Variants in SDK1 observed in about 807,000 individuals in gnomAD.
SDK1 encodes protein sidekick-1.
In SDK1, 157 loss-of-function variants were observed where a neutral mutation model predicts 245.5. The observed-to-expected ratio is 0.64, with a 90% CI of 0.56 to 0.73. SDK1 has a LOEUF of 0.73. SDK1 is among the 30% of genes least tolerant of loss of function. The pLI is 0.00. For synonymous variants in SDK1, 1,647 were observed against 1,278.5 expected (o/e 1.29, Z -6.15); for missense variants, 3,583 against 3,002.3 (o/e 1.19, Z -4.52).
At chr7:3,658,299 T>C (rs995515023) in intron 4 of SDK1, among the ~76,000 whole-genome samples, 1 of 152,178 alleles carries the variant, frequency 6.6e-6, no homozygotes, top group African/African-American at 2.4e-5. Context: ...TCCTACAGCA[T>C]TTGCTTCCAA....
In SDK1 at chr7:3,473,155, G is replaced by A. The variant is rs146547458; in HGVS notation, c.299-145925G>A. 2.4e-3 allele frequency among the ~76,000 whole-genome samples: 364 copies of A among 152,260 alleles called. 2 individuals carry two copies. The highest frequency in any genetic ancestry group is 8.0e-3 in the African/African-American group (331 of 41,554). ...AGGAAGGTCAGCATTGACTCTGATT[G>A]AAGATGAGAAAACACACCTGCAAAC... On this transcript the variant is annotated intron_variant, in intron 1 of 44. Transcript: ENST00000404826.
chr7:4,149,188 C>T (rs537239749), intron 29 of SDK1, 74 bp from the exon 30 acceptor site: 7 of 1,269,096 alleles, frequency 5.5e-6, no homozygotes, highest in Admixed American at 6.2e-5. Context: ...TGTACAGCAG[C>T]GTAGCCTCCT....
rs574231753 is a variant in SDK1 at position 3,592,698 on chromosome 7, GA to G, written c.299-26381del. Among the ~76,000 whole-genome samples, 66 of 152,276 alleles carry G rather than the reference GA, an allele frequency of 4.3e-4. 1 individual carries two copies. Among genetic ancestry groups the G allele is most frequent in the Non-Finnish European group, 8.7e-4 (59 of 68,026 alleles). On this transcript the variant is annotated intron_variant, in intron 1 of 44. Transcript: ENST00000404826. ...GCACAGCAGGCTGATGAAGCGTGGG[GA>G]CTCGCGCTGTGGGAATCCTGCTTGG...
intron 1 of SDK1, among the ~76,000 whole-genome samples, chr7:3,353,086 G>A (rs1780703092): frequency 6.6e-6 from 1 of 152,082 alleles, no homozygotes; most frequent in Admixed American, 6.5e-5. Context: ...TCCCAATTTA[G>A]CTTTTTTTGC....
intron 1 of SDK1, among the ~76,000 whole-genome samples, chr7:3,592,410 A>G (rs139300485): frequency 9.6e-4 from 146 of 152,370 alleles, no homozygotes; most frequent in African/African-American, 3.3e-3. Flanking sequence ...TGCAAATTTC[A>G]GAAACCGCCT....
chr7:3,678,092 A>G (rs1051154912), intron 4 of SDK1, among the ~76,000 whole-genome samples: 2 of 152,210 alleles, frequency 1.3e-5, no homozygotes, highest in African/African-American at 4.8e-5. Context: ...ACACAACTTC[A>G]CACCCCTTGT....
chr7:4,038,584 C>T (rs185949814), intron 17 of SDK1, among the ~76,000 whole-genome samples: 20 of 152,300 alleles, frequency 1.3e-4, no homozygotes, highest in African/African-American at 3.6e-4. Flanking sequence ...TATTCGAAAG[C>T]GGTACTTTTC....
chr7:3,512,633 G>A (rs1432981785), intron 1 of SDK1, among the ~76,000 whole-genome samples: 1 of 152,162 alleles, frequency 6.6e-6, no homozygotes, highest in African/African-American at 2.4e-5. Flanking sequence ...GTGTTGTCTG[G>A]ATTTTGGCCA....
chr7:3,939,436 A>T (rs567297438), intron 5 of SDK1, among the ~76,000 whole-genome samples: 2 of 152,330 alleles, frequency 1.3e-5, no homozygotes, highest in South Asian at 4.1e-4. Flanking sequence ...GTGGAAGGTA[A>T]AGGGTGGGAG....
chr7:3,942,839 T>C (rs1432709025), intron 5 of SDK1, among the ~76,000 whole-genome samples: 1 of 152,234 alleles, frequency 6.6e-6, no homozygotes, highest in Non-Finnish European at 1.5e-5. Context: ...CGCTTCTCGT[T>C]GGAAATGTCT....
chr7:3,552,627 C>T (rs1338169618), intron 1 of SDK1, among the ~76,000 whole-genome samples: 1 of 152,150 alleles, frequency 6.6e-6, no homozygotes, highest in Non-Finnish European at 1.5e-5. Context: ...AGCAATGTTT[C>T]TGAGCTGGAC....
chr7:3,465,182 C>A (rs192626876), intron 1 of SDK1, among the ~76,000 whole-genome samples: 1 of 152,184 alleles, frequency 6.6e-6, no homozygotes, highest in Non-Finnish European at 1.5e-5. Flanking sequence ...TCAGGGTGAG[C>A]CCTAGAGTGT....
At chr7:3,597,930 T>G (rs1173784056) in intron 1 of SDK1, among the ~76,000 whole-genome samples, 1 of 142,700 alleles carries the variant, frequency 7.0e-6, no homozygotes, top group Non-Finnish European at 1.5e-5. Context: ...GGATGTATGC[T>G]TTTTTTCCTC....
intron 4 of SDK1, among the ~76,000 whole-genome samples, chr7:3,707,141 A>G (rs1784914902): frequency 6.6e-6 from 1 of 152,162 alleles, no homozygotes; most frequent in Non-Finnish European, 1.5e-5. Flanking sequence ...GAGATATGAC[A>G]TTAGATTGTC....
chr7:3,433,002 G>C (rs1001581425), intron 1 of SDK1, among the ~76,000 whole-genome samples: 3 of 152,162 alleles, frequency 2.0e-5, no homozygotes, highest in African/African-American at 7.2e-5. Flanking sequence ...TATTGGTGTT[G>C]AGGTTTCTAT....
chr7:3,553,529 A>T (rs1779483705), intron 1 of SDK1, among the ~76,000 whole-genome samples: 1 of 152,122 alleles, frequency 6.6e-6, no homozygotes, highest in African/African-American at 2.4e-5. Flanking sequence ...CAGGAGAGGC[A>T]GACCTGGCCT....
rs567512107 is a variant in SDK1, at chr7:3,702,728, CTTGTCA to C, written c.713+60627_713+60632del. 4.6e-4 allele frequency among the ~76,000 whole-genome samples: 70 copies of C among 152,286 alleles called. 3 individuals carry two copies. The South Asian group carries it at 0.014, about 30-fold the overall frequency. On this transcript the variant is annotated intron_variant, in intron 4 of 44. Transcript: ENST00000404826. ...GGAGATCACATAGTTTATTGTTTCACTTGTCATTGACTAGAAAATAAATTAGAAAGA... is the reference window on the plus strand; with the variant it reads ...GGAGATCACATAGTTTATTGTTTCACTTGACTAGAAAATAAATTAGAAAGA...
At chr7:3,524,173 G>A (rs539790329) in intron 1 of SDK1, among the ~76,000 whole-genome samples, 3 of 152,264 alleles carry the variant, frequency 2.0e-5, no homozygotes, top group South Asian at 4.1e-4. Flanking sequence ...AGAAACACCC[G>A]CATTAATTGC....
chr7:3,538,829 G>T (rs904857040), intron 1 of SDK1, among the ~76,000 whole-genome samples: 5 of 152,208 alleles, frequency 3.3e-5, no homozygotes, highest in African/African-American at 1.2e-4. Context: ...GACATTTTAA[G>T]TAATAGAAGA....
Sources: allele counts gnomAD v4.1 joint callset (sites outside exome capture counted in the v4.1 genomes callset), GRCh38; gene constraint gnomAD v4.1.1; transcripts MANE v1.5; gene names NCBI Gene and HGNC (gene_info 2026-07-23, HGNC 2026-07-21).